Variants in CLNK observed in about 807,000 individuals in gnomAD.
The protein encoded by CLNK is cytokine dependent hematopoietic cell linker.
Under a neutral mutation model 68.6 loss-of-function variants are expected in CLNK, and 74 were observed. That is an observed-to-expected ratio of 1.08 (90% confidence interval 0.89 to 1.31). The LOEUF is 1.31. Among genes scored for constraint, CLNK ranks in the 50% most tolerant of loss-of-function variants. The probability of loss-of-function intolerance (pLI) is 0.00; values close to 1 mark genes in which losing one functional copy is unlikely to be tolerated. For missense variants in CLNK, 553 were observed against 515.3 expected (o/e 1.07, Z -0.71); for synonymous variants, 198 against 172.2 (o/e 1.15, Z -1.17).
chr4:10,642,114 G>A (rs1384616480), intron 2 of CLNK, among the ~76,000 whole-genome samples: 1 of 152,166 alleles, frequency 6.6e-6, no homozygotes, highest in African/African-American at 2.4e-5. Flanking sequence ...AACAAACTGT[G>A]TAAGTCAATT....
intron 8 of CLNK, among the ~76,000 whole-genome samples, chr4:10,544,080 C>T (rs1230213728): frequency 6.6e-6 from 1 of 152,166 alleles, no homozygotes; most frequent in Non-Finnish European, 1.5e-5. Flanking sequence ...CATCTTGCTG[C>T]CTGTGTTGAT....
chr4:10,604,949 C>T (rs1721730293), intron 2 of CLNK, among the ~76,000 whole-genome samples: 1 of 152,176 alleles, frequency 6.6e-6, no homozygotes, highest in Non-Finnish European at 1.5e-5. Context: ...TAGATTTTGA[C>T]TAAAGCAGAT....
chr4:10,635,368 C>T (rs1723040395), intron 2 of CLNK, among the ~76,000 whole-genome samples: 1 of 152,132 alleles, frequency 6.6e-6, no homozygotes, highest in Admixed American at 6.6e-5. Context: ...TTTCCTACGG[C>T]AGAGACTGAT....
At chr4:10,683,716 G>A (rs558955610) in intron 1 of CLNK, among the ~76,000 whole-genome samples, 73 of 152,266 alleles carry the variant, frequency 4.8e-4, no homozygotes, top group African/African-American at 1.5e-3. Flanking sequence ...TTTCTGAAGC[G>A]CTGTCATTTC....
At chr4:10,699,268 C>CACACATACACACCCCGTATGTGTGTAT in the CLNK span, among the ~76,000 whole-genome samples, 1 of 32,416 alleles carries the variant, frequency 3.1e-5, no homozygotes, top group African/African-American at 8.3e-5. Flanking sequence ...TGTGTATACA[C>CACACATACACACCCCGTATGTGTGTAT]ACACACACAC....
At chr4:10,520,617 C>A (rs937831687) in intron 15 of CLNK, among the ~76,000 whole-genome samples, 174 bp downstream of exon 15, 1 of 152,160 alleles carries the variant, frequency 6.6e-6, no homozygotes, top group African/African-American at 2.4e-5. Context: ...CCTAAGTGAT[C>A]ATATTTAATC....
intron 17 of CLNK, among the ~76,000 whole-genome samples, chr4:10,501,849 C>T (rs951938940): frequency 6.6e-6 from 1 of 152,218 alleles, no homozygotes; most frequent in Admixed American, 6.5e-5. Context: ...ATCACTTGAA[C>T]CCAGGAGGCA....
the CLNK span, among the ~76,000 whole-genome samples, chr4:10,721,047 A>G: frequency 6.6e-6 from 1 of 152,314 alleles, no homozygotes; most frequent in East Asian, 1.9e-4. Context: ...AATTATGTTG[A>G]GTGAAAAAGT....
At chr4:10,640,729 T>C (rs1041349615) in intron 2 of CLNK, among the ~76,000 whole-genome samples, 6 of 152,238 alleles carry the variant, frequency 3.9e-5, no homozygotes, top group Non-Finnish European at 7.3e-5. Context: ...TTCTTCCTCT[T>C]CCATCATCAC....
rs1722430111 is a variant in CLNK, at chr4:10,620,993, C to T, written c.12-22944G>A. Among the ~76,000 whole-genome samples, 8 of 151,806 alleles carry T rather than the reference C, an allele frequency of 5.3e-5. No homozygotes were observed. The South Asian group carries it at 1.5e-3, about 28-fold the overall frequency. ...GGCGTAGTGGTGGGCACCTGTAGTC[C>T]CAGCTGCTCAGGAGGCTGAGGCAGG... On this transcript the variant is annotated intron_variant, in intron 2 of 18. Transcript: ENST00000226951.
intron 2 of CLNK, among the ~76,000 whole-genome samples, chr4:10,658,528 A>T (rs1012329468): frequency 4.2e-4 from 64 of 152,278 alleles, no homozygotes; most frequent in African/African-American, 1.4e-3. Flanking sequence ...TTCAGGGCTG[A>T]ACTGAGCTGA....
At chr4:10,625,574 A>G (rs1327055165) in intron 2 of CLNK, among the ~76,000 whole-genome samples, 9 of 152,192 alleles carry the variant, frequency 5.9e-5, no homozygotes. Context: ...ACAGACACAG[A>G]GAGATACAGA....
At chr4:10,585,806 C>T (rs541182075) in intron 3 of CLNK, among the ~76,000 whole-genome samples, 88 of 152,256 alleles carry the variant, frequency 5.8e-4, no homozygotes, top group African/African-American at 2.1e-3. Context: ...TATCAAATAA[C>T]GTGTAGGATT....
intron 18 of CLNK, among the ~76,000 whole-genome samples, chr4:10,493,098 C>T (rs1387031966): frequency 2.6e-5 from 4 of 152,172 alleles, no homozygotes. Context: ...GGGCAGAACA[C>T]TTAAGGTCAG....
At chr4:10,638,690 A>G (rs1723189778) in intron 2 of CLNK, among the ~76,000 whole-genome samples, 1 of 152,210 alleles carries the variant, frequency 6.6e-6, no homozygotes, top group South Asian at 2.1e-4. Context: ...AATCATTTGG[A>G]GAGATTTATC....
intron 12 of CLNK, 81 bp downstream of exon 12, chr4:10,532,175 G>A (rs550342161): frequency 4.0e-6 from 4 of 992,098 alleles, no homozygotes; most frequent in Admixed American, 3.8e-5. Flanking sequence ...AGTATCTGAA[G>A]CAAATAGAAT....
chr4:10,506,780 C>A (rs13141385), intron 17 of CLNK, among the ~76,000 whole-genome samples: 42,363 of 152,088 alleles, frequency 0.28, 7,246 homozygotes, highest in Non-Finnish European at 0.4. Context: ...CATGACCAAG[C>A]CTCAGGCCTG....
the CLNK span, among the ~76,000 whole-genome samples, chr4:10,733,471 T>C: frequency 2.6e-5 from 4 of 152,252 alleles, no homozygotes; most frequent in African/African-American, 9.6e-5. Flanking sequence ...AGAAACTCTC[T>C]TGGTCTTAGT....
intron 8 of CLNK, among the ~76,000 whole-genome samples, chr4:10,552,520 C>T (rs1719502861): frequency 6.6e-6 from 1 of 152,070 alleles, no homozygotes; most frequent in African/African-American, 2.4e-5. Flanking sequence ...CCCATGGTTC[C>T]ACCTAAACCC....
Sources: gnomAD v4.1 joint callset for allele counts (sites outside exome capture counted in the v4.1 genomes callset) on GRCh38, gnomAD v4.1.1 for gene constraint, MANE v1.5 for transcripts, NCBI Gene and HGNC (gene_info 2026-07-23, HGNC 2026-07-21) for gene names.